APC: variants seen among roughly 807,000 people sequenced by gnomAD.
The protein encoded by APC is APC regulator of Wnt signaling pathway, also known as adenomatous polyposis coli protein.
A neutral mutation model predicts 247.0 loss-of-function variants in APC; 72 were observed. That is an observed-to-expected ratio of 0.29 (90% CI 0.24 to 0.35). The LOEUF is 0.35. APC is among the 10% of genes least tolerant of loss of function. The pLI is 1.00. For synonymous variants in APC, 1,254 were observed against 1,162.5 expected (o/e 1.08, Z -1.60); for missense variants, 3,400 against 3,360.7 (o/e 1.01, Z -0.29).
At position 112,840,774 on chromosome 5, in the gene APC, GCATTAATTCTGCTAT is replaced by G. The variant is rs1554086508; in HGVS notation, c.5181_5195del (p.Cys1727_Met1732delinsTrp). On this transcript the variant is annotated inframe_deletion, in exon 16 of 16. Coordinates refer to ENST00000257430, the MANE Select transcript of APC (RefSeq NM_000038.6). This position sits in a 1 kb window ranked among gnomAD's most constrained non-coding sequence, Gnocchi z 4.1. ...GAGGAAGGTGATATTCTTGCAGAAT[GCATTAATTCTGCTAT>G]GCCCAAAGGGAAAAGTCACAAGCCT... 2 of 1,613,332 alleles carry G rather than the reference GCATTAATTCTGCTAT, an allele frequency of 1.2e-6. No homozygotes were observed. The highest frequency in any genetic ancestry group is 1.7e-6 in the Non-Finnish European group (2 of 1,179,270).
chr5:112,800,145 C>T (rs534962113), intron 7 of APC, among the ~76,000 whole-genome samples: 4 of 152,172 alleles, frequency 2.6e-5, no homozygotes, highest in Admixed American at 6.5e-5. Context: ...CTGTATTCCC[C>T]AGCATCTATT....
chr5:112,760,250 C>T (rs1321588625), intron 2 of APC, among the ~76,000 whole-genome samples: 1 of 152,000 alleles, frequency 6.6e-6, no homozygotes, highest in Admixed American at 6.6e-5. Context: ...AACATGAGGG[C>T]AGATGTAGAG....
chr5:112,714,625 C>A (rs868039637), intron 1 of APC, among the ~76,000 whole-genome samples: 2 of 152,196 alleles, frequency 1.3e-5, no homozygotes, highest in African/African-American at 4.8e-5. Flanking sequence ...TTTCAGACTT[C>A]ATATCCTCAT....
intron 6 of APC, among the ~76,000 whole-genome samples, chr5:112,782,750 T>TAATGATAAAA (rs1277306684): frequency 1.3e-5 from 2 of 152,196 alleles, no homozygotes; most frequent in Admixed American, 1.3e-4. Context: ...CTTAAAACGC[T>TAATGATAAAA]AATGATAAAA....
At chr5:112,725,040 G>T (rs1310643878) in intron 1 of APC, among the ~76,000 whole-genome samples, 1 of 152,034 alleles carries the variant, frequency 6.6e-6, no homozygotes, top group African/African-American at 2.4e-5. Flanking sequence ...CTGAAGTGCA[G>T]TGGCACAGTC....
At chr5:112,813,027 A>C (rs1276232956) in intron 8 of APC, among the ~76,000 whole-genome samples, 2 of 152,170 alleles carry the variant, frequency 1.3e-5, no homozygotes, top group Non-Finnish European at 2.9e-5. Context: ...AGAGACTGGA[A>C]AGGGGAGCCA....
At position 112,762,407 on chromosome 5, in the gene APC, A is replaced by G. The variant is rs565453577; in HGVS notation, c.136-3919A>G. On this transcript the variant is annotated intron_variant, in intron 2 of 15. Coordinates refer to ENST00000257430, the MANE Select transcript of APC (RefSeq NM_000038.6). The stretch of plus-strand genomic sequence containing the variant: ...AAGAATGTTCATAGTGACATTCTAA[A>G]TAATAGCCTGCAGACTGGTAACAGC... Among the ~76,000 whole-genome samples the G allele has an allele frequency of 2.0e-5, 3 of 152,338 alleles. No individual in the cohort carries two copies. In the South Asian group the frequency reaches 6.2e-4, roughly 32 times the overall value.
In APC at chr5:112,834,819, C is replaced by T. The variant is rs974910164; in HGVS notation, c.1744-132C>T. ...TGAACATTTTTCTAAATGGAAAGTT[C>T]TTAATTTACCAGTGAGGGACGGGCA... On this transcript the variant is annotated intron_variant, in intron 14 of 15. Coordinates refer to ENST00000257430, the MANE Select transcript of APC (RefSeq NM_000038.6). 3.8e-6 allele frequency: 3 copies of T among 784,500 alleles called. No homozygotes were observed. In the South Asian group the frequency reaches 4.5e-5, roughly 12 times the overall value. The allele number at this position is 784,500 out of a possible 1,614,324, so 48.6% of individuals were successfully genotyped here. A position where few individuals can be genotyped will look rare whatever the true frequency, so the allele number is the denominator to read the frequency against.
intron 9 of APC, among the ~76,000 whole-genome samples, chr5:112,818,247 C>A (rs1297851254): frequency 3.9e-5 from 6 of 152,174 alleles, no homozygotes; most frequent in Admixed American, 1.3e-4. Flanking sequence ...AATGAGTGGA[C>A]CATGGCCCAG....
At chr5:112,836,629 A>C (rs2149853175) in intron 15 of APC, among the ~76,000 whole-genome samples, 1 of 152,310 alleles carries the variant, frequency 6.6e-6, no homozygotes, top group East Asian at 1.9e-4. Flanking sequence ...ATATGCCTTA[A>C]ATGTTTCAAA....
chr5:112,737,847 C>T (rs887666030), upstream of APC: 9 of 985,480 alleles, frequency 9.1e-6, no homozygotes, highest in African/African-American at 1.2e-4. Flanking sequence ...CGCACGTGAC[C>T]GACATGTGGC....
chr5:112,813,921 A>G (rs1041282857), intron 8 of APC, among the ~76,000 whole-genome samples: 1 of 152,154 alleles, frequency 6.6e-6, no homozygotes, highest in Non-Finnish European at 1.5e-5. Flanking sequence ...TTTTCTCTTT[A>G]CCTTCTTCAA....
Position 112,780,850 on chromosome 5 carries a change from G to A in APC, c.592G>A (p.Val198Ile), listed in dbSNP as rs1168791940. 3 of 1,613,568 alleles carry A rather than the reference G, an allele frequency of 1.9e-6. No homozygotes were observed. Among genetic ancestry groups the A allele is most frequent in the East Asian group, 4.5e-5 (2 of 44,808 alleles). The part of the protein sequence containing the change: ...QLEYEARQIR[V>I]AMEEQLGTCQ... ...GGAATATGAAGCAAGGCAAATCAGA[G>A]TTGCGATGGAAGAACAACTAGGTAC... Residue 198 changes from valine to isoleucine, a missense_variant, in exon 6 of 16, where the codon GTT becomes ATT. By Grantham distance (29) the Val-to-Ile change is conservative. Coordinates refer to ENST00000257430, the MANE Select transcript of APC (RefSeq NM_000038.6).
intron 1 of APC, chr5:112,708,025 C>T (rs988778259): frequency 1.0e-4 from 92 of 881,132 alleles, no homozygotes; most frequent in Non-Finnish European, 1.3e-4. Context: ...TCCCCGCACT[C>T]CCCATTCAGG....
At chr5:112,832,646 G>C (rs553521420) in intron 14 of APC, among the ~76,000 whole-genome samples, 1 of 152,080 alleles carries the variant, frequency 6.6e-6, no homozygotes, top group Non-Finnish European at 1.5e-5. Context: ...GTACTCCCGC[G>C]CTGATTCCCA....
chr5:112,829,370 TTG>T (rs1764076344), intron 14 of APC: 1 of 197,384 alleles, frequency 5.1e-6, no homozygotes, highest in Non-Finnish European at 1.0e-5. Flanking sequence ...ACTCCTGACT[TTG>T]TGATCTGCCC....
Position 112,737,922 on chromosome 5 carries a change from TGGGGTA to T in APC, c.-19_-19+5del, listed in dbSNP as rs2149682507. 2.0e-6 allele frequency: 2 copies of T among 985,240 alleles called. No individual in the cohort carries two copies. Among genetic ancestry groups the T allele is most frequent in the Non-Finnish European group, 2.4e-6 (2 of 830,118 alleles). The allele number at this position is 985,240 out of a possible 1,614,324, so 61.0% of individuals were successfully genotyped here. On this transcript the variant is annotated splice_donor_variant and splice_donor_region_variant and 5_prime_UTR_variant and intron_variant, in exon 1 of 16. Transcript: ENST00000257430. LOFTEE classifies it low-confidence loss of function (5UTR_SPLICE). ...ATGGAGGTGCTGCCGGACTCGGAAA[TGGGGTA>T]GGTGCTGGAGCCACCATGGCCAGGC...
At chr5:112,817,100 T>G (rs1191807208) in intron 9 of APC, among the ~76,000 whole-genome samples, 1 of 151,990 alleles carries the variant, frequency 6.6e-6, no homozygotes, top group African/African-American at 2.4e-5. Context: ...GAACTCCTGA[T>G]CTCAGGTGAT....
In APC at chr5:112,838,414, G is replaced by A. The variant is rs780366551; in HGVS notation, c.2820G>A (p.Ser940=). 4.2e-5 allele frequency: 67 copies of A among 1,613,964 alleles called. No individual in the cohort carries two copies. In the South Asian group the frequency reaches 4.6e-4, roughly 11 times the overall value. The change falls in exon 16 of 16, where the codon TCG becomes TCA. Residue 940 remains serine (S), a synonymous_variant. Coordinates refer to ENST00000257430, the MANE Select transcript of APC (RefSeq NM_000038.6). ...CAAACACTTACAATTTCACTAAGTC[G>A]GAAAATTCAAATAGGACATGTTCTA... is the stretch of plus-strand genomic sequence containing the variant. ...THSNTYNFTK[S]ENSNRTCSMP...
Sources: gnomAD v4.1 joint callset for allele counts (sites outside exome capture counted in the v4.1 genomes callset) on GRCh38, gnomAD v4.1.1 for gene constraint, Gnocchi (gnomAD v3.1) non-coding constraint, MANE v1.5 for transcripts, NCBI Gene and HGNC (gene_info 2026-07-23, HGNC 2026-07-21) for gene names.